Variants in RXRA observed in about 807,000 individuals in gnomAD.
The protein encoded by RXRA is retinoic acid receptor RXR-alpha.
A neutral mutation model predicts 44.5 loss-of-function variants in RXRA; 5 were observed. The ratio of observed to expected loss-of-function variants is 0.11; its 90% CI spans 0.06 to 0.24. The LOEUF (loss-of-function observed/expected upper bound fraction) is 0.24, where lower values mean the gene tolerates loss of function less well. RXRA is among the 10% of genes least tolerant of loss of function. RXRA has a pLI of 1.00. For synonymous variants in RXRA, 291 were observed against 271.4 expected, an observed-to-expected ratio of 1.07 and a Z score of -0.71; for missense variants, 412 against 646.5, an observed-to-expected ratio of 0.64 and a Z score of 3.93.
intron 1 of RXRA, among the ~76,000 whole-genome samples, chr9:134,333,150 G>C (rs1379971335): frequency 6.6e-6 from 1 of 152,184 alleles, no homozygotes; most frequent in African/African-American, 2.4e-5. Flanking sequence ...TGGGGCTGGG[G>C]AGTGGGACAT....
At chr9:134,355,479 G>A (rs1830272136) in intron 1 of RXRA, among the ~76,000 whole-genome samples, 2 of 145,412 alleles carry the variant, frequency 1.4e-5, no homozygotes, top group Admixed American at 6.8e-5. Flanking sequence ...GCCGGGAACT[G>A]CTAGTTGTTA....
At chr9:134,391,820 C>T (rs924180594) in intron 1 of RXRA, among the ~76,000 whole-genome samples, 8 of 152,228 alleles carry the variant, frequency 5.3e-5, no homozygotes, top group Non-Finnish European at 8.8e-5. Context: ...GGCCTCCAGG[C>T]GTTGACCCGG....
chr9:134,356,578 G>A (rs1174941858), intron 1 of RXRA, among the ~76,000 whole-genome samples: 2 of 152,216 alleles, frequency 1.3e-5, no homozygotes, highest in Admixed American at 1.3e-4. Context: ...GAGAAGGTCC[G>A]TGCCTTGCCC....
At chr9:134,395,995 C>T (rs551041953) in intron 1 of RXRA, among the ~76,000 whole-genome samples, 30 of 152,318 alleles carry the variant, frequency 2.0e-4, no homozygotes, top group African/African-American at 6.7e-4. Context: ...CCTGCCCCTG[C>T]GGGGAGGCGG....
chr9:134,334,920 T>C (rs1829972364), intron 1 of RXRA, among the ~76,000 whole-genome samples: 1 of 152,164 alleles, frequency 6.6e-6, no homozygotes, highest in South Asian at 2.1e-4. Context: ...GCTTTCGGGA[T>C]GTGCAGCTTA....
chr9:134,408,601 C>T (rs976699134), intron 3 of RXRA, among the ~76,000 whole-genome samples: 1 of 152,226 alleles, frequency 6.6e-6, no homozygotes, highest in East Asian at 1.9e-4. Context: ...CGCCTCCTCC[C>T]TTGGCTGGGT....
In RXRA at chr9:134,428,035, G is replaced by A. The variant is rs557150847; in HGVS notation, c.911-1073G>A. ...GACTGCAGGTGATTCCACGTCACCC[G>A]GTCTCCAGGAGCCCTTAAAACAGCA... On this transcript the variant is annotated intron_variant, in intron 6 of 9. Coordinates refer to ENST00000481739, the MANE Select transcript of RXRA (RefSeq NM_002957.6). Among the ~76,000 whole-genome samples the A allele has an allele frequency of 4.0e-4, 61 of 152,106 alleles. 1 individual carries two copies. Among genetic ancestry groups the A allele is most frequent in the Middle Eastern group, 3.4e-3 (1 of 290 alleles).
chr9:134,390,854 T>G (rs559151179), intron 1 of RXRA, among the ~76,000 whole-genome samples: 249 of 152,336 alleles, frequency 1.6e-3, no homozygotes, highest in African/African-American at 5.8e-3. Flanking sequence ...GCGTGGGTGG[T>G]AAGCCTCTTC....
intron 6 of RXRA, chr9:134,423,551 A>T: frequency 1.0e-6 from 1 of 984,516 alleles, no homozygotes; most frequent in Non-Finnish European, 1.2e-6. Context: ...TCCTGGAAGG[A>T]CTCTTCTGGC....
chr9:134,339,476 G>C (rs189870014), intron 1 of RXRA, among the ~76,000 whole-genome samples: 3 of 144,040 alleles, frequency 2.1e-5, no homozygotes, highest in Non-Finnish European at 4.6e-5. Flanking sequence ...CCTGTGTGTG[G>C]GTGTGCATGC....
At chr9:134,408,813 G>T in intron 3 of RXRA, 127 bp from the exon 4 acceptor site, 1 of 875,646 alleles carries the variant, frequency 1.1e-6, no homozygotes, top group Non-Finnish European at 1.7e-6. Flanking sequence ...CCAGGCAGGG[G>T]TCTGGAGACC....
rs559002163 is a variant in RXRA, at chr9:134,421,591, G to C, written c.781-85G>C. On this transcript the variant is annotated intron_variant, in intron 5 of 9. Transcript: ENST00000481739. ...ATTCAGCGTCCTGCATGGGCCCAGC[G>C]TGTGGCAGGGCCTGGTCTGGGCTGT... 4.2e-6 allele frequency: 6 copies of C among 1,419,794 alleles called. No homozygotes were observed. In the Admixed American group the frequency reaches 6.7e-5, roughly 16 times the overall value. 87.9% of individuals were successfully genotyped at this position (1,419,794 alleles called of 1,614,324 possible). A position where few individuals can be genotyped will look rare whatever the true frequency, so the allele number is the denominator to read the frequency against.
At chr9:134,419,034 G>T (rs897002559) in intron 5 of RXRA, among the ~76,000 whole-genome samples, 1 of 152,172 alleles carries the variant, frequency 6.6e-6, no homozygotes, top group African/African-American at 2.4e-5. Flanking sequence ...ACTCTGGCTG[G>T]GGGCTGGGGC....
intron 1 of RXRA, among the ~76,000 whole-genome samples, chr9:134,368,940 GTA>G (rs146589782): frequency 0.2 from 615 of 3,116 alleles, no homozygotes; most frequent in Non-Finnish European, 0.26. Flanking sequence ...CGGGGGTTAT[GTA>G]TGTGTGTGAG....
rs183205699 is a variant in RXRA at position 134,345,966 on chromosome 9, T to C, written c.28+19307T>C. 2.0e-5 allele frequency among the ~76,000 whole-genome samples: 3 copies of C among 152,294 alleles called. No homozygotes were observed. In the East Asian group the frequency reaches 5.8e-4, roughly 29 times the overall value. The stretch of plus-strand genomic sequence containing the variant: ...TCCCCATTCAGGAGGTCCTCTCCTA[T>C]ACCTGTGTTTCCTGATACATGTGCG... On this transcript the variant is annotated intron_variant, in intron 1 of 9. Coordinates refer to ENST00000481739, the MANE Select transcript of RXRA (RefSeq NM_002957.6).
chr9:134,406,066 G>C (rs1831045337), intron 2 of RXRA: 1 of 152,244 alleles, frequency 6.6e-6, no homozygotes. Context: ...TCTGAGCCCT[G>C]GCACATGGAG....
chr9:134,391,220 G>C (rs1354136678), intron 1 of RXRA, among the ~76,000 whole-genome samples: 1 of 152,158 alleles, frequency 6.6e-6, no homozygotes, highest in Non-Finnish European at 1.5e-5. Context: ...GAACCATCGT[G>C]TTGGCCTCTG....
intron 1 of RXRA, among the ~76,000 whole-genome samples, chr9:134,396,429 C>T (rs1158753836): frequency 1.3e-5 from 2 of 152,084 alleles, no homozygotes; most frequent in African/African-American, 4.8e-5. Context: ...GGAAGCAGTA[C>T]TTCCGGAGGT....
chr9:134,353,429 T>C (rs1361601047), intron 1 of RXRA, among the ~76,000 whole-genome samples: 1 of 152,180 alleles, frequency 6.6e-6, no homozygotes, highest in Admixed American at 6.5e-5. Flanking sequence ...CCCATGCATG[T>C]ACACCGCACG....
Sources: gnomAD v4.1 joint callset for allele counts (sites outside exome capture counted in the v4.1 genomes callset) on GRCh38, gnomAD v4.1.1 for gene constraint, MANE v1.5 for transcripts, NCBI Gene and HGNC (gene_info 2026-07-23, HGNC 2026-07-21) for gene names.